Variants in OR9Q1 observed in about 807,000 individuals in gnomAD.
The protein encoded by OR9Q1 is olfactory receptor family 9 subfamily Q member 1.
For synonymous variants in OR9Q1, 153 were observed against 148.6 expected (o/e 1.03, Z -0.22); for missense variants, 374 against 378.8 (o/e 0.99, Z 0.11).
intron 2 of OR9Q1, among the ~76,000 whole-genome samples, chr11:58,162,586 G>A (rs1854466695): frequency 6.6e-6 from 1 of 152,198 alleles, no homozygotes; most frequent in African/African-American, 2.4e-5. Flanking sequence ...AGGCAGAGGA[G>A]TGAGAACAAT....
chr11:58,089,031 C>G (rs1853659581), intron 2 of OR9Q1, among the ~76,000 whole-genome samples: 1 of 151,616 alleles, frequency 6.6e-6, no homozygotes, highest in Non-Finnish European at 1.5e-5. Flanking sequence ...TGCCCGTCAC[C>G]AGGCCCAGCT....
At chr11:58,106,446 A>G (rs1055686980) in intron 2 of OR9Q1, among the ~76,000 whole-genome samples, 1 of 152,012 alleles carries the variant, frequency 6.6e-6, no homozygotes, top group Non-Finnish European at 1.5e-5. Flanking sequence ...TTCTTTGGGT[A>G]GCTTTTTCAC....
chr11:58,116,020 A>G (rs765302691), intron 2 of OR9Q1, among the ~76,000 whole-genome samples: 28 of 152,164 alleles, frequency 1.8e-4, no homozygotes, highest in African/African-American at 2.9e-4. Flanking sequence ...TTTAAAAATT[A>G]TATTGTTTCT....
chr11:58,107,651 G>T (rs1196344257), intron 2 of OR9Q1, among the ~76,000 whole-genome samples: 2 of 151,968 alleles, frequency 1.3e-5, no homozygotes, highest in Non-Finnish European at 2.9e-5. Flanking sequence ...TGGGTCAGTT[G>T]GTATTTCTGG....
At chr11:58,075,209 T>C (rs2441962) in intron 2 of OR9Q1, among the ~76,000 whole-genome samples, 24,244 of 152,164 alleles carry the variant, frequency 0.16, 3,368 homozygotes, top group African/African-American at 0.35. Flanking sequence ...GTATGGCCAT[T>C]TTCATGATAT....
intron 2 of OR9Q1, among the ~76,000 whole-genome samples, chr11:58,155,754 G>T (rs536252119): frequency 1.3e-5 from 2 of 152,150 alleles, no homozygotes; most frequent in Non-Finnish European, 2.9e-5. Flanking sequence ...GCTTTCCAAG[G>T]ATGTTGGGAG....
In OR9Q1 at chr11:58,048,669, TAAAA is replaced by T. The variant is rs369007273; in HGVS notation, c.-92-7193_-92-7190del. ...GGGCAATAGAGCAAGGACTCCATCT[TAAAA>T]AAAAAAATATATATATATATATTTT... On this transcript the variant is annotated intron_variant, in intron 1 of 2. Coordinates refer to ENST00000335397, the MANE Select transcript of OR9Q1 (RefSeq NM_001005212.4). 1.6e-4 allele frequency among the ~76,000 whole-genome samples: 17 copies of T among 104,008 alleles called. 1 individual carries two copies. Among genetic ancestry groups the T allele is most frequent in the Admixed American group, 5.0e-4 (5 of 10,090 alleles). The allele number at this position is 104,008 out of a possible 152,430, so 68.2% of individuals were successfully genotyped here. A position where few individuals can be genotyped will look rare whatever the true frequency, so the allele number is the denominator to read the frequency against.
At chr11:58,075,502 T>C (rs1868883) in intron 2 of OR9Q1, 141,873 of 152,290 alleles carry the variant, frequency 0.93, 66,304 homozygotes, top group South Asian at 0.97. Flanking sequence ...GAGGTGGAAA[T>C]TTTGGGAGGT....
At chr11:58,147,167 C>G (rs1219148603) in intron 2 of OR9Q1, among the ~76,000 whole-genome samples, 1 of 152,126 alleles carries the variant, frequency 6.6e-6, no homozygotes, top group Admixed American at 6.5e-5. Flanking sequence ...CTAGCAGGTG[C>G]ATGGCTTTGA....
chr11:58,079,777 G>A (rs1018244569), intron 2 of OR9Q1, among the ~76,000 whole-genome samples: 2 of 152,140 alleles, frequency 1.3e-5, no homozygotes, highest in African/African-American at 4.8e-5. Flanking sequence ...TGACCATTCA[G>A]GCTCATACAT....
intron 2 of OR9Q1, among the ~76,000 whole-genome samples, chr11:58,170,467 CCTT>C (rs1264496785): frequency 1.3e-5 from 2 of 152,132 alleles, no homozygotes; most frequent in Non-Finnish European, 2.9e-5. Context: ...ATCCTTGTAT[CCTT>C]CTACGTGGTG....
chr11:58,068,859 GA>G (rs1337333574), intron 2 of OR9Q1, among the ~76,000 whole-genome samples: 15 of 152,228 alleles, frequency 9.9e-5, no homozygotes, highest in Admixed American at 3.9e-4. Context: ...TGGTTGGCCT[GA>G]AGGGAGCACC....
chr11:58,045,593 C>T (rs1565058986), intron 1 of OR9Q1, among the ~76,000 whole-genome samples: 1 of 152,100 alleles, frequency 6.6e-6, no homozygotes, highest in Non-Finnish European at 1.5e-5. Context: ...AAGTGAAGTC[C>T]ATATCATAGT....
At chr11:58,168,785 TG>T (rs370972844) in intron 2 of OR9Q1, among the ~76,000 whole-genome samples, 279 of 152,318 alleles carry the variant, frequency 1.8e-3, no homozygotes, top group Non-Finnish European at 2.9e-3. Flanking sequence ...TTTATTTTTT[TG>T]TAGTCCATAT....
intron 2 of OR9Q1, among the ~76,000 whole-genome samples, chr11:58,167,212 T>C (rs1854513357): frequency 6.6e-6 from 1 of 152,242 alleles, no homozygotes; most frequent in African/African-American, 2.4e-5. Flanking sequence ...TGCCAACTGT[T>C]AAAATATTAT....
intron 2 of OR9Q1, chr11:58,145,107 C>A: frequency 6.5e-6 from 1 of 152,854 alleles, no homozygotes; most frequent in South Asian, 2.0e-4. Flanking sequence ...TCATCACAAC[C>A]AGCATTTCAG....
intron 2 of OR9Q1, among the ~76,000 whole-genome samples, chr11:58,136,299 G>A (rs1486523515): frequency 6.6e-6 from 1 of 152,126 alleles, no homozygotes; most frequent in African/African-American, 2.4e-5. Flanking sequence ...TCAATACTGT[G>A]GAGCATGGTG....
At chr11:58,083,349 A>G (rs531982241) in intron 2 of OR9Q1, among the ~76,000 whole-genome samples, 1 of 151,858 alleles carries the variant, frequency 6.6e-6, no homozygotes, top group South Asian at 2.1e-4. Context: ...TCTGTTCCTT[A>G]TAAATTCTAA....
chr11:58,179,070 C>T (rs1854634679), intron 2 of OR9Q1, among the ~76,000 whole-genome samples: 1 of 146,896 alleles, frequency 6.8e-6, no homozygotes, highest in African/African-American at 2.5e-5. Context: ...GGCTGGAGTG[C>T]AGTGGTGCCA....
Sources: allele counts gnomAD v4.1 joint callset (sites outside exome capture counted in the v4.1 genomes callset), GRCh38; gene constraint gnomAD v4.1.1; transcripts MANE v1.5; gene names NCBI Gene and HGNC (gene_info 2026-07-23, HGNC 2026-07-21).